The following DLGAP1 variants were observed in gnomAD, a reference collection of about 807,000 sequenced individuals.
DLGAP1 encodes disks large-associated protein 1.
Under a neutral mutation model 90.8 loss-of-function variants are expected in DLGAP1, and 11 were observed. That is an observed-to-expected ratio of 0.12 (90% CI 0.08 to 0.20). The LOEUF is 0.20. Ranked by LOEUF, DLGAP1 falls within the 10% of genes least tolerant of loss-of-function variation. The pLI, the probability that DLGAP1 is intolerant of heterozygous loss-of-function variation, is 1.00. For synonymous variants in DLGAP1, 558 were observed against 540.7 expected (o/e 1.03, Z -0.44); for missense variants, 1,050 against 1,333.8 (o/e 0.79, Z 3.31).
At chr18:4,078,554 A>G (rs1463943420) in intron 2 of DLGAP1, among the ~76,000 whole-genome samples, 1 of 152,212 alleles carries the variant, frequency 6.6e-6, no homozygotes, top group Admixed American at 6.5e-5. Context: ...CACTTCACAC[A>G]TCAGACAAAA....
Position 4,416,013 on chromosome 18 carries a change from T to C in DLGAP1, c.-267+38993A>G, listed in dbSNP as rs145580372. Among the ~76,000 whole-genome samples, 35 of 152,314 alleles carry C rather than the reference T, an allele frequency of 2.3e-4. No individual in the cohort carries two copies. In the East Asian group the frequency reaches 6.2e-3, roughly 27 times the overall value. On this transcript the variant is annotated intron_variant, in intron 1 of 12. Transcript: ENST00000315677. ...AGTAGAATATAAAACTGCAGTCCTATTTATTATGTTTATGCTCTTCAATAA... is the reference window on the plus strand; with the variant it reads ...AGTAGAATATAAAACTGCAGTCCTACTTATTATGTTTATGCTCTTCAATAA...
rs112236823 is a variant in DLGAP1, at chr18:4,117,189, A to G, written c.-159+33991T>C. ...AGTTAAGGAGAGAGGGCTCAAAAGA[A>G]ACCAACACTGCTTACATCTTGATCT... On this transcript the variant is annotated intron_variant, in intron 2 of 12. Transcript: ENST00000315677. 2.5e-3 allele frequency among the ~76,000 whole-genome samples: 386 copies of G among 152,330 alleles called. 3 individuals are homozygous for G. Among genetic ancestry groups the G allele is most frequent in the South Asian group, 0.023 (112 of 4,824 alleles).
intron 1 of DLGAP1, among the ~76,000 whole-genome samples, chr18:4,276,634 T>C (rs1224415380): frequency 1.3e-5 from 2 of 149,320 alleles, no homozygotes; most frequent in Non-Finnish European, 3.0e-5. Flanking sequence ...AGACACCAGC[T>C]TGAAAAAAAA....
chr18:3,984,418 C>G (rs912120581), intron 3 of DLGAP1, among the ~76,000 whole-genome samples: 1 of 152,178 alleles, frequency 6.6e-6, no homozygotes, highest in Non-Finnish European at 1.5e-5. Flanking sequence ...CAAGTCTGCA[C>G]TGACTAAGTC....
rs1054111094 is a variant in DLGAP1, at chr18:3,515,361, T to C, written c.2480-6700A>G. Among the ~76,000 whole-genome samples, 4 of 148,658 alleles carry C rather than the reference T, an allele frequency of 2.7e-5. No homozygotes were observed. The Admixed American group carries it at 2.7e-4, about 10-fold the overall frequency. The stretch of plus-strand genomic sequence containing the variant: ...TGGCGGGCACTGTAGACCCAGCTAC[T>C]CAGGAGGCTGAGGCAGGAGAATGGC... On this transcript the variant is annotated intron_variant, in intron 10 of 12. Transcript: ENST00000315677.
intron 10 of DLGAP1, among the ~76,000 whole-genome samples, chr18:3,523,808 A>C (rs896668152): frequency 5.3e-5 from 8 of 151,116 alleles, no homozygotes; most frequent in African/African-American, 1.7e-4. Context: ...AGATAGCGCC[A>C]CTGCACTCCA....
At chr18:4,315,136 GGTGA>G (rs551483103) in intron 1 of DLGAP1, among the ~76,000 whole-genome samples, 31 of 152,240 alleles carry the variant, frequency 2.0e-4, no homozygotes, top group Admixed American at 1.5e-3. Context: ...TCCCTCACTG[GGTGA>G]GTAAGATGCT....
chr18:4,259,903 T>C (rs1263569751), intron 1 of DLGAP1, among the ~76,000 whole-genome samples: 1 of 152,200 alleles, frequency 6.6e-6, no homozygotes, highest in Non-Finnish European at 1.5e-5. Flanking sequence ...TGCTATCTTT[T>C]ATTATTCTAT....
intron 5 of DLGAP1, among the ~76,000 whole-genome samples, chr18:3,744,694 C>T (rs762056342): frequency 9.2e-5 from 14 of 152,018 alleles, no homozygotes; most frequent in African/African-American, 1.9e-4. Flanking sequence ...GACACACGCA[C>T]GCCACCGCGG....
At position 4,089,373 on chromosome 18, in the gene DLGAP1, C is replaced by CT. The variant is rs1320915694; in HGVS notation, c.-159+61806dup. ...AATAAATATTGTGAAAATGGCCATA[C>CT]TGCCCAAAGTAATTTACAGATTCAA... On this transcript the variant is annotated intron_variant, in intron 2 of 12. Transcript: ENST00000315677. Among the ~76,000 whole-genome samples, 4 of 152,270 alleles carry CT rather than the reference C, an allele frequency of 2.6e-5. No individual in the cohort carries two copies. The East Asian group carries it at 7.7e-4, about 29-fold the overall frequency.
At chr18:3,937,290 C>T (rs1468925208) in intron 3 of DLGAP1, among the ~76,000 whole-genome samples, 1 of 152,176 alleles carries the variant, frequency 6.6e-6, no homozygotes, top group Non-Finnish European at 1.5e-5. Context: ...TTAATTGACT[C>T]GCAGTTCCAC....
chr18:3,869,392 T>C (rs2070602731), intron 4 of DLGAP1, among the ~76,000 whole-genome samples: 1 of 152,060 alleles, frequency 6.6e-6, no homozygotes, highest in Admixed American at 6.6e-5. Flanking sequence ...CGAAACCCCG[T>C]CTCTACATAA....
intron 1 of DLGAP1, among the ~76,000 whole-genome samples, chr18:4,285,227 C>T (rs1028240866): frequency 1.3e-5 from 2 of 151,948 alleles, no homozygotes; most frequent in African/African-American, 4.8e-5. Flanking sequence ...TGCAAGTACA[C>T]CCAGAGAAAA....
intron 10 of DLGAP1, among the ~76,000 whole-genome samples, chr18:3,523,764 T>G (rs660779): frequency 1.3e-5 from 2 of 150,000 alleles, no homozygotes; most frequent in African/African-American, 2.5e-5. Flanking sequence ...AGGAGAATGG[T>G]GTGAACTCAG....
chr18:3,970,303 G>A (rs752952541), intron 3 of DLGAP1, among the ~76,000 whole-genome samples: 3 of 151,886 alleles, frequency 2.0e-5, no homozygotes, highest in Non-Finnish European at 2.9e-5. Flanking sequence ...TTCAAACCTC[G>A]GAGTTCCATG....
chr18:3,719,205 T>C (rs997270539), intron 7 of DLGAP1, among the ~76,000 whole-genome samples: 5 of 151,998 alleles, frequency 3.3e-5, no homozygotes, highest in Non-Finnish European at 5.9e-5. Context: ...TAGGAGATCT[T>C]TGTGGTGATG....
intron 2 of DLGAP1, among the ~76,000 whole-genome samples, chr18:4,090,143 C>T (rs72872616): frequency 2.4e-4 from 36 of 152,206 alleles, no homozygotes; most frequent in Non-Finnish European, 3.8e-4. Flanking sequence ...CTATAAAAAC[C>T]TTGGAAGAAA....
intron 1 of DLGAP1, among the ~76,000 whole-genome samples, chr18:4,446,053 TAAAC>T (rs1299611175): frequency 1.3e-5 from 2 of 151,648 alleles, no homozygotes; most frequent in South Asian, 2.1e-4. Context: ...TACATGCAAA[TAAAC>T]AAAGAGGAAA....
chr18:4,254,849 A>G (rs76049477), intron 1 of DLGAP1, among the ~76,000 whole-genome samples: 2,145 of 152,344 alleles, frequency 0.014, 61 homozygotes, highest in African/African-American at 0.048. Context: ...GACCTGAAGT[A>G]GCTTCCTTGC....
Sources: allele counts gnomAD v4.1 joint callset (sites outside exome capture counted in the v4.1 genomes callset), GRCh38; gene constraint gnomAD v4.1.1; transcripts MANE v1.5; gene names NCBI Gene and HGNC (gene_info 2026-07-23, HGNC 2026-07-21).